The following HPSE2 variants were observed in gnomAD, a reference collection of about 807,000 sequenced individuals.
The protein encoded by HPSE2 is inactive heparanase-2.
In HPSE2, 38 loss-of-function variants were observed where a neutral mutation model predicts 60.5. That is an observed-to-expected ratio of 0.63 (90% CI 0.48 to 0.82). The LOEUF is 0.82. HPSE2 is among the 40% of genes least tolerant of loss of function. The pLI, the probability that HPSE2 is intolerant of heterozygous loss-of-function variation, is 0.00. For missense variants in HPSE2, 713 were observed against 740.4 expected (o/e 0.96, Z 0.43); for synonymous variants, 295 against 293.2 (o/e 1.01, Z -0.06).
intron 4 of HPSE2, among the ~76,000 whole-genome samples, chr10:98,739,665 T>C (rs1949447108): frequency 6.6e-6 from 1 of 152,136 alleles, no homozygotes. Flanking sequence ...AACTGAGTCA[T>C]ATAACTAATT....
At chr10:98,604,365 T>A (rs1348036157) in intron 9 of HPSE2, among the ~76,000 whole-genome samples, 3 of 151,822 alleles carry the variant, frequency 2.0e-5, no homozygotes, top group Non-Finnish European at 4.4e-5. Context: ...ATGCCCTTGA[T>A]AAGATTATTA....
the HPSE2 span, among the ~76,000 whole-genome samples, chr10:99,270,524 G>A: frequency 6.6e-6 from 1 of 152,088 alleles, no homozygotes; most frequent in African/African-American, 2.4e-5. Context: ...AAAAGTCCAG[G>A]ACCAGACAGA....
At chr10:98,829,997 C>T (rs1011157735) in intron 3 of HPSE2, among the ~76,000 whole-genome samples, 16 of 152,314 alleles carry the variant, frequency 1.1e-4, no homozygotes, top group African/African-American at 3.6e-4. Flanking sequence ...CCCCTCAACT[C>T]CCACCAACCA....
chr10:98,737,959 G>A (rs1306126555), intron 4 of HPSE2, among the ~76,000 whole-genome samples: 7 of 152,072 alleles, frequency 4.6e-5, no homozygotes, highest in Non-Finnish European at 1.0e-4. Flanking sequence ...TTTCTTCACA[G>A]AAGTAGAAAA....
intron 5 of HPSE2, among the ~76,000 whole-genome samples, chr10:98,710,846 C>A (rs907086370): frequency 6.6e-6 from 1 of 152,030 alleles, no homozygotes; most frequent in East Asian, 1.9e-4. Flanking sequence ...GAGCTCAATA[C>A]TCCCTCATTT....
At chr10:99,058,268 G>T (rs964780575) in intron 3 of HPSE2, among the ~76,000 whole-genome samples, 1 of 152,152 alleles carries the variant, frequency 6.6e-6, no homozygotes, top group Non-Finnish European at 1.5e-5. Flanking sequence ...ATGAGAAAAG[G>T]GGGGAATTGT....
chr10:98,828,176 C>A (rs2134641630), intron 3 of HPSE2, among the ~76,000 whole-genome samples: 1 of 152,300 alleles, frequency 6.6e-6, no homozygotes, highest in African/African-American at 2.4e-5. Context: ...CAGACATAGT[C>A]TATTGGTTCT....
chr10:98,647,492 C>T (rs1946803857), intron 6 of HPSE2, among the ~76,000 whole-genome samples: 1 of 152,172 alleles, frequency 6.6e-6, no homozygotes, highest in South Asian at 2.1e-4. Context: ...GGGCAGCCTG[C>T]TCAGAATTCT....
At chr10:98,660,026 A>C (rs1947182415) in intron 6 of HPSE2, among the ~76,000 whole-genome samples, 2 of 152,222 alleles carry the variant, frequency 1.3e-5, no homozygotes, top group Non-Finnish European at 2.9e-5. Flanking sequence ...CTTTGGTTGC[A>C]GCATCATTAA....
chr10:99,226,296 T>C (rs1240398932), intron 2 of HPSE2, among the ~76,000 whole-genome samples: 1 of 152,082 alleles, frequency 6.6e-6, no homozygotes, highest in East Asian at 1.9e-4. Context: ...CAAACTATTA[T>C]ATTCCACTTA....
chr10:98,907,912 T>C (rs577329603), intron 3 of HPSE2, among the ~76,000 whole-genome samples: 14 of 152,274 alleles, frequency 9.2e-5, no homozygotes, highest in Middle Eastern at 6.8e-3. Flanking sequence ...ATATTGAAAA[T>C]CTCTTTCACC....
intron 9 of HPSE2, among the ~76,000 whole-genome samples, chr10:98,581,557 A>G (rs1944799094): frequency 6.6e-6 from 1 of 152,216 alleles, no homozygotes; most frequent in South Asian, 2.1e-4. Flanking sequence ...GTCAGAATGT[A>G]TAAGGAATCA....
At position 99,184,522 on chromosome 10, in the gene HPSE2, CAAAAAAAAAAAAAAAAAAAA is replaced by C. The variant is rs200059066; in HGVS notation, c.449-40143_449-40124del. 4.7e-3 allele frequency among the ~76,000 whole-genome samples: 286 copies of C among 60,700 alleles called. 4 individuals are homozygous for C. Among genetic ancestry groups the C allele is most frequent in the East Asian group, 0.014 (31 of 2,148 alleles). 39.8% of individuals were successfully genotyped at this position (60,700 alleles called of 152,430 possible). ...CCTGGGCAACAGAGCGAGACTGTCT[CAAAAAAAAAAAAAAAAAAAA>C]AAAAAAAAAAAAAAAAAGCTAAGAG... is the stretch of plus-strand genomic sequence containing the variant. On this transcript the variant is annotated intron_variant, in intron 2 of 11. Transcript: ENST00000370552.
intron 10 of HPSE2, 52 bp downstream of exon 10, chr10:98,489,999 A>G: frequency 1.2e-6 from 2 of 1,608,412 alleles, no homozygotes; most frequent in Non-Finnish European, 8.5e-7. Context: ...CCCAAATGGT[A>G]TGGGGTGGGA....
chr10:99,200,258 A>C (rs1305687725), intron 2 of HPSE2, among the ~76,000 whole-genome samples: 1 of 152,142 alleles, frequency 6.6e-6, no homozygotes, highest in Non-Finnish European at 1.5e-5. Context: ...CCTGACTGAA[A>C]TGTGTTCTGC....
intron 10 of HPSE2, among the ~76,000 whole-genome samples, chr10:98,489,561 A>G (rs1355412375): frequency 6.6e-6 from 1 of 152,226 alleles, no homozygotes; most frequent in Admixed American, 6.5e-5. Context: ...GCACTCCTTT[A>G]GTTCTGGGGA....
At chr10:99,242,881 C>A in the HPSE2 span, among the ~76,000 whole-genome samples, 1 of 152,160 alleles carries the variant, frequency 6.6e-6, no homozygotes, top group African/African-American at 2.4e-5. Context: ...AGTTGCTACT[C>A]ATTGTCCTTC....
chr10:98,554,386 C>T (rs1194792573), intron 9 of HPSE2, among the ~76,000 whole-genome samples: 1 of 152,236 alleles, frequency 6.6e-6, no homozygotes. Context: ...CATGAAGTCT[C>T]TCAGTCTCTA....
At position 98,459,287 on chromosome 10, in the gene HPSE2, C is replaced by G. The variant is rs531099033; in HGVS notation, c.*287G>C. ...TTCTCCTGGGAGTGTGCTGTCAGCTCGTTTTCATAGTGCACATGAAGGGAA... is the reference window on the plus strand; with the variant it reads ...TTCTCCTGGGAGTGTGCTGTCAGCTGGTTTTCATAGTGCACATGAAGGGAA... On this transcript the variant is annotated 3_prime_UTR_variant, in exon 12 of 12. Transcript: ENST00000370552. 62 of 432,876 alleles carry G rather than the reference C, an allele frequency of 1.4e-4. No individual in the cohort carries two copies. Among genetic ancestry groups the G allele is most frequent in the South Asian group, 1.3e-3 (57 of 44,866 alleles). 26.8% of individuals were successfully genotyped at this position (432,876 alleles called of 1,614,324 possible). A position where few individuals can be genotyped will look rare whatever the true frequency, so the allele number is the denominator to read the frequency against.
Sources: allele counts gnomAD v4.1 joint callset (sites outside exome capture counted in the v4.1 genomes callset), GRCh38; gene constraint gnomAD v4.1.1; transcripts MANE v1.5; gene names NCBI Gene and HGNC (gene_info 2026-07-23, HGNC 2026-07-21).